PRDX4: variants seen among roughly 807,000 people sequenced by gnomAD.
PRDX4 encodes peroxiredoxin 4.
Under a neutral mutation model 20.5 loss-of-function variants are expected in PRDX4, and 12 were observed. The ratio of observed to expected loss-of-function variants is 0.58; its 90% CI spans 0.37 to 0.95. PRDX4 has a LOEUF of 0.95. PRDX4 is among the 40% of genes least tolerant of loss of function. The pLI, the probability that PRDX4 is intolerant of heterozygous loss-of-function variation, is 0.01. For synonymous variants in PRDX4, 99 were observed against 87.5 expected (o/e 1.13, Z -0.73); for missense variants, 180 against 207.3 (o/e 0.87, Z 0.81).
chrX:23,681,165 G>C lies in PRDX4; in HGVS notation c.600-1231G>C, dbSNP rs184156291. Among the ~76,000 whole-genome samples, 680 of 111,493 alleles carry C rather than the reference G, an allele frequency of 6.1e-3. 5 individuals carry two copies. Among genetic ancestry groups the C allele is most frequent in the African/African-American group, 0.02 (619 of 30,721 alleles). On this transcript the variant is annotated intron_variant, in intron 4 of 6. Coordinates refer to ENST00000379341, the MANE Select transcript of PRDX4 (RefSeq NM_006406.2). Reference sequence around the variant, plus strand: ...GAGAATGGCGTGAACCCTGGGGGGCGGAGTCTGCAGTGAGCCGAGATCGCG... The same window carrying C: ...GAGAATGGCGTGAACCCTGGGGGGCCGAGTCTGCAGTGAGCCGAGATCGCG...
intron 1 of PRDX4, among the ~76,000 whole-genome samples, chrX:23,670,315 T>C (rs971190615): frequency 1.8e-5 from 2 of 112,159 alleles, no homozygotes; most frequent in Non-Finnish European, 3.8e-5. Flanking sequence ...TTTTAAGTAA[T>C]TTATTTAAAG....
intron 6 of PRDX4, among the ~76,000 whole-genome samples, chrX:23,684,210 G>A (rs1458082707): frequency 9.1e-6 from 1 of 110,172 alleles, no homozygotes; most frequent in Non-Finnish European, 1.9e-5. Context: ...CAGAATATGG[G>A]GCGTGATGCT....
At chrX:23,669,637 C>A (rs1206497072) in intron 1 of PRDX4, among the ~76,000 whole-genome samples, 1 of 111,717 alleles carries the variant, frequency 9.0e-6, no homozygotes, top group Admixed American at 9.5e-5. Context: ...AACGGAAAGG[C>A]CAGGTGTGGT....
At chrX:23,682,853 A>AAAAAAAAT (rs1555933130) in intron 5 of PRDX4, among the ~76,000 whole-genome samples, 14 of 14,872 alleles carry the variant, frequency 9.4e-4, no homozygotes, top group Non-Finnish European at 1.4e-3. Flanking sequence ...AAAAAAAAAA[A>AAAAAAAAT]ATATATATAT....
chrX:23,678,598 C>T (rs1406814813), intron 3 of PRDX4, among the ~76,000 whole-genome samples: 6 of 111,565 alleles, frequency 5.4e-5, no homozygotes, highest in African/African-American at 2.0e-4. Context: ...CTGCTGCACT[C>T]CAGCCTGGGC....
chrX:23,683,617 A>G, intron 5 of PRDX4, 54 bp from the exon 6 acceptor site: 3 of 1,115,767 alleles, frequency 2.7e-6, no homozygotes, highest in Non-Finnish European at 3.7e-6. Context: ...CAGTTGCTGA[A>G]GGTAACTGAA....
intron 1 of PRDX4, 136 bp from the exon 2 acceptor site, chrX:23,671,392 AG>A: frequency 4.5e-6 from 2 of 441,982 alleles, no homozygotes; most frequent in South Asian, 8.9e-5. Context: ...CACTCTTTTA[AG>A]AAGTCTGTAA....
At position 23,682,857 on chromosome X, in the gene PRDX4, T is replaced by A. The variant is rs573488333; in HGVS notation, c.730+331T>A. Among the ~76,000 whole-genome samples the A allele has an allele frequency of 9.6e-3, 472 of 49,018 alleles. 3 individuals carry two copies. Among genetic ancestry groups the A allele is most frequent in the Admixed American group, 0.015 (44 of 2,897 alleles). The allele number at this position is 49,018 out of a possible 115,157, so 42.6% of individuals were successfully genotyped here. Reference sequence around the variant, plus strand: ...AAAAAAAAAAAAAAAAAAAAAAATATATATATATATATATATATATAAACT... The same window carrying A: ...AAAAAAAAAAAAAAAAAAAAAAATAAATATATATATATATATATATAAACT... On this transcript the variant is annotated intron_variant, in intron 5 of 6. Coordinates refer to ENST00000379341, the MANE Select transcript of PRDX4 (RefSeq NM_006406.2).
chrX:23,679,648 T>C (rs1158369100), intron 4 of PRDX4, among the ~76,000 whole-genome samples: 1 of 94,854 alleles, frequency 1.1e-5, no homozygotes. Flanking sequence ...ATCATGCCAC[T>C]GCACTCCAGC....
chrX:23,682,853 A>AAAAAAAAAAAAT (rs1555933130), intron 5 of PRDX4, among the ~76,000 whole-genome samples: 4 of 14,878 alleles, frequency 2.7e-4, no homozygotes, highest in African/African-American at 6.5e-4. Context: ...AAAAAAAAAA[A>AAAAAAAAAAAAT]ATATATATAT....
At chrX:23,667,857 A>G in intron 1 of PRDX4, 46 bp downstream of exon 1, 1 of 1,195,149 alleles carries the variant, frequency 8.4e-7, no homozygotes, top group African/African-American at 1.7e-5. Flanking sequence ...TTCCGGAGAC[A>G]CGTGTACCCC....
chrX:23,682,496 G>T lies in PRDX4; in HGVS notation c.700G>T (p.Ala234Ser). Residue 234 changes from alanine (A) to serine (S), a missense_variant, in exon 5 of 7, where the codon GCA (alanine) becomes TCA (serine). By Grantham distance (99) the Ala-to-Ser change is moderately conservative (BLOSUM62 1). Transcript: ENST00000379341. ...GGATGAGACACTACGTTTGGTTCAA[G>T]CATTCCAGTACACTGACAAACACGG... ...SVDETLRLVQ[A>S]FQYTDKHGEV... The T allele has an allele frequency of 8.5e-7, 1 of 1,180,052 alleles. No individual in the cohort carries two copies. Among genetic ancestry groups the T allele is most frequent in the Non-Finnish European group, 1.1e-6 (1 of 876,746 alleles).
chrX:23,669,025 A>G (rs1463412079), intron 1 of PRDX4, among the ~76,000 whole-genome samples: 1 of 110,595 alleles, frequency 9.0e-6, no homozygotes, highest in Non-Finnish European at 1.9e-5. Context: ...GCCCGGGTTC[A>G]AGCGATTCTT....
At chrX:23,684,159 A>ATTCT (rs1928141625) in intron 6 of PRDX4, among the ~76,000 whole-genome samples, 1 of 110,855 alleles carries the variant, frequency 9.0e-6, no homozygotes, top group Non-Finnish European at 1.9e-5. Flanking sequence ...GAGTACAGAC[A>ATTCT]TTCTTTGGCC....
intron 6 of PRDX4, chrX:23,685,992 A>G: frequency 2.5e-6 from 1 of 393,014 alleles, no homozygotes; most frequent in Non-Finnish European, 4.8e-6. Context: ...AATGTGTTTG[A>G]CTTAATTAGA....
chrX:23,670,675 G>A (rs146995223), intron 1 of PRDX4, among the ~76,000 whole-genome samples: 513 of 112,210 alleles, frequency 4.6e-3, no homozygotes, highest in Non-Finnish European at 8.0e-3. Flanking sequence ...ATTACTGTAC[G>A]CCCTTACAAG....
chrX:23,682,850 AAAAATATATATAT>A (rs1381768325), intron 5 of PRDX4, among the ~76,000 whole-genome samples: 2 of 60,571 alleles, frequency 3.3e-5, no homozygotes, highest in African/African-American at 5.6e-5. Context: ...AAAAAAAAAA[AAAAATATATATAT>A]ATATATATAT....
At chrX:23,671,709 TCAAA>T (rs1927848012) in intron 2 of PRDX4, 63 bp downstream of exon 2, 4 of 853,802 alleles carry the variant, frequency 4.7e-6, no homozygotes, top group South Asian at 5.2e-5. Flanking sequence ...TTCAGGAGTA[TCAAA>T]CAAATTATTT....
chrX:23,669,603 G>A (rs191064303), intron 1 of PRDX4, among the ~76,000 whole-genome samples: 1 of 111,424 alleles, frequency 9.0e-6, no homozygotes, highest in Non-Finnish European at 1.9e-5. Context: ...GATGCAACAC[G>A]TGGCAAATTT....
Sources: gnomAD v4.1 joint callset for allele counts (sites outside exome capture counted in the v4.1 genomes callset) on GRCh38, gnomAD v4.1.1 for gene constraint, MANE v1.5 for transcripts, NCBI Gene and HGNC (gene_info 2026-07-23, HGNC 2026-07-21) for gene names.